Variants in SLC25A22 observed in about 807,000 individuals in gnomAD.
SLC25A22 encodes solute carrier family 25 member 22.
Under a neutral mutation model 33.7 loss-of-function variants are expected in SLC25A22, and 23 were observed. The ratio of observed to expected loss-of-function variants is 0.68; its 90% confidence interval spans 0.49 to 0.97. SLC25A22 has a LOEUF of 0.97. SLC25A22 is among the 50% of genes least tolerant of loss of function. SLC25A22 has a pLI of 0.00. For synonymous variants in SLC25A22, 245 were observed against 203.8 expected, an observed-to-expected ratio of 1.20 and a Z score of -1.72; for missense variants, 390 against 451.1, an observed-to-expected ratio of 0.86 and a Z score of 1.23.
intron 1 of SLC25A22, chr11:795,382 C>T (rs1224443084): frequency 2.6e-5 from 10 of 379,876 alleles, no homozygotes; most frequent in African/African-American, 6.9e-5. Flanking sequence ...CCCTCCCCAC[C>T]GCCAGCGTCT....
At chr11:795,641 C>T (rs1864787244) in intron 1 of SLC25A22, 1 of 198,104 alleles carries the variant, frequency 5.0e-6, no homozygotes, top group Non-Finnish European at 1.1e-5. Flanking sequence ...ACCCCCCGAC[C>T]TGGGCTCAGC....
intron 3 of SLC25A22, 64 bp downstream of exon 3, chr11:794,712 G>C: frequency 6.4e-7 from 1 of 1,567,468 alleles, no homozygotes; most frequent in Non-Finnish European, 8.6e-7. Flanking sequence ...CACAGGAGCA[G>C]AGCCCCCACC....
At chr11:792,764 G>GA (rs2133702398) in intron 6 of SLC25A22, 37 bp from the exon 7 acceptor site, 6 of 1,545,610 alleles carry the variant, frequency 3.9e-6, no homozygotes, top group Admixed American at 1.9e-5. Flanking sequence ...TCTTCTGTGC[G>GA]AACTGGGCAG....
At chr11:794,154 C>A in intron 4 of SLC25A22, 1 of 666,890 alleles carries the variant, frequency 1.5e-6, no homozygotes. Flanking sequence ...CAGCCACAAA[C>A]GGGGTCCAGC....
At chr11:794,955 G>A in intron 2 of SLC25A22, 32 bp downstream of exon 2, 1 of 1,562,366 alleles carries the variant, frequency 6.4e-7, no homozygotes, top group Non-Finnish European at 8.7e-7. Context: ...TCAGGGTGGG[G>A]GTGAGGCACG....
chr11:795,105 A>AG lies in SLC25A22; in HGVS notation c.-100dup, dbSNP rs1273292780. ...GAGGCCTTGAGGGAGGGTGGGACCC[A>AG]GGGGGGTTGGGTGGTGCTCCACCTT... On this transcript the variant is annotated 5_prime_UTR_variant, in exon 2 of 10. Transcript: ENST00000628067. 3 of 788,648 alleles carry AG rather than the reference A, an allele frequency of 3.8e-6. No homozygotes were observed. Among genetic ancestry groups the AG allele is most frequent in the South Asian group, 1.4e-5 (1 of 69,786 alleles). 48.9% of individuals were successfully genotyped at this position (788,648 alleles called of 1,614,324 possible).
In SLC25A22 at chr11:792,882, C is replaced by T. The variant is rs1393635107; in HGVS notation, c.400G>A (p.Ala134Thr). ...MEMLKIQLQDAGRIAAQRKIL... is the reference protein window; with the variant it reads ...MEMLKIQLQDTGRIAAQRKIL... ...CCCCCGCCCTCACCAATGCGCCCTG[C>T]ATCCTGCAGCTGGATCTTCAGCATC... The change falls in exon 6 of 10, where the codon GCA becomes ACA. Residue 134 changes from alanine to threonine, a missense_variant. Physicochemically the swap from Ala to Thr is moderately conservative, Grantham distance 58 (BLOSUM62 0). Transcript: ENST00000628067. 1 of 1,472,694 alleles carries T rather than the reference C, an allele frequency of 6.8e-7. No homozygotes were observed. The highest frequency in any genetic ancestry group is 1.4e-5 in the African/African-American group (1 of 70,946). The allele number at this position is 1,472,694 out of a possible 1,614,324, so 91.2% of individuals were successfully genotyped here.
At chr11:794,625 C>A in intron 3 of SLC25A22, 112 bp from the exon 4 acceptor site, 2 of 1,527,510 alleles carry the variant, frequency 1.3e-6, no homozygotes, top group Non-Finnish European at 1.8e-6. Flanking sequence ...CCAGCCCCGA[C>A]CCCAGTCCTG....
In SLC25A22 at chr11:792,585, A is replaced by G; in HGVS notation, c.555T>C (p.Gly185=). Residue 185 remains glycine (G), a synonymous_variant, in exon 7 of 10, where the codon GGT becomes GGC. Transcript: ENST00000628067. ...RDLLRSRGIA[G]LYKGLGATLL... is the part of the protein sequence containing the mutation. Reference sequence around the variant, plus strand: ...GCGTGGCCCCGAGTCCCTTGTAGAGACCGGCAATGCCACGGCTCCGCAGCA... The same window carrying G: ...GCGTGGCCCCGAGTCCCTTGTAGAGGCCGGCAATGCCACGGCTCCGCAGCA... The G allele has an allele frequency of 6.2e-7, 1 of 1,611,466 alleles. No individual in the cohort carries two copies. The highest frequency in any genetic ancestry group is 8.5e-7 in the Non-Finnish European group (1 of 1,179,548).
In SLC25A22 at chr11:792,739, G is replaced by A. The variant is rs587781169; in HGVS notation, c.413-12C>T. 8.3e-5 allele frequency: 128 copies of A among 1,545,032 alleles called. No individual in the cohort carries two copies. Among genetic ancestry groups the A allele is most frequent in the Non-Finnish European group, 8.4e-5 (97 of 1,149,870 alleles). On this transcript the variant is annotated splice_polypyrimidine_tract_variant and intron_variant, in intron 6 of 9. Transcript: ENST00000628067. ...CTTCCTCTGGGCGGCTGGGGACAAA[G>A]AGGCTGCTGTCTCCTCTTCTGTGCG... is the stretch of plus-strand genomic sequence containing the variant.
At chr11:796,435 G>C (rs1216341906) in intron 1 of SLC25A22, 1 of 152,362 alleles carries the variant, frequency 6.6e-6, no homozygotes, top group Admixed American at 6.5e-5. Context: ...GCCACCCACC[G>C]ACAGGGACCT....
rs944409908 is a variant in SLC25A22 at position 790,483 on chromosome 11, G to T, written c.*1432C>A. Reference sequence around the variant, plus strand: ...CCAGACAGACAGCAGCATCTACTTAGAATATTTATTTATTCTCTGACATGA... The same window carrying T: ...CCAGACAGACAGCAGCATCTACTTATAATATTTATTTATTCTCTGACATGA... On this transcript the variant is annotated 3_prime_UTR_variant, in exon 10 of 10. Transcript: ENST00000628067. 1.3e-5 allele frequency: 2 copies of T among 151,838 alleles called. No homozygotes were observed. The highest frequency in any genetic ancestry group is 4.9e-5 in the African/African-American group (2 of 41,228). The allele number at this position is 151,838 out of a possible 1,614,324, so 9.4% of individuals were successfully genotyped here. A position where few individuals can be genotyped will look rare whatever the true frequency, so the allele number is the denominator to read the frequency against.
chr11:792,284 G>A lies in SLC25A22; in HGVS notation c.742+20C>T. 6.2e-7 allele frequency: 1 copy of A among 1,613,096 alleles called. No individual in the cohort carries two copies. Among genetic ancestry groups the A allele is most frequent in the Non-Finnish European group, 8.5e-7 (1 of 1,179,938 alleles). On this transcript the variant is annotated intron_variant, in intron 8 of 9. Transcript: ENST00000628067. ...TCAGTCCCGCCCCATCCCCAGCCGG[G>A]CGCCATCCCATGCACTGACCATCAC...
chr11:797,758 G>A, intron 1 of SLC25A22: 2 of 398,640 alleles, frequency 5.0e-6, no homozygotes, highest in East Asian at 3.6e-5. Context: ...GCGATGCCTC[G>A]GCCAGAGGAC....
rs1432920081 is a variant in SLC25A22 at position 794,651 on chromosome 11, C to T, written c.146+125G>A. 7 of 1,525,672 alleles carry T rather than the reference C, an allele frequency of 4.6e-6. No homozygotes were observed. The East Asian group carries it at 1.7e-4, about 37-fold the overall frequency. The allele number at this position is 1,525,672 out of a possible 1,614,324, so 94.5% of individuals were successfully genotyped here. On this transcript the variant is annotated intron_variant, in intron 3 of 9. Coordinates refer to ENST00000628067, the MANE Select transcript of SLC25A22 (RefSeq NM_001191061.2). The stretch of plus-strand genomic sequence containing the variant: ...CCCAGTCCTGACCCACGTGGGATCT[C>T]CCCTAGGCCCGCCTGCCTCCCGTTT...
chr11:795,414 GCT>G (rs1864767770), intron 1 of SLC25A22: 3 of 325,592 alleles, frequency 9.2e-6, no homozygotes, highest in African/African-American at 9.1e-5. Flanking sequence ...CTCACACGCC[GCT>G]CACGCTCGGG....
Position 791,633 on chromosome 11 carries a change from G to A in SLC25A22, c.*282C>T, listed in dbSNP as rs1864520564. 1 of 507,262 alleles carries A rather than the reference G, an allele frequency of 2.0e-6. No individual in the cohort carries two copies. Among genetic ancestry groups the A allele is most frequent in the South Asian group, 2.1e-5 (1 of 47,002 alleles). The allele number at this position is 507,262 out of a possible 1,614,324, so 31.4% of individuals were successfully genotyped here. A position where few individuals can be genotyped will look rare whatever the true frequency, so the allele number is the denominator to read the frequency against. On this transcript the variant is annotated 3_prime_UTR_variant, in exon 10 of 10. Coordinates refer to ENST00000628067, the MANE Select transcript of SLC25A22 (RefSeq NM_001191061.2). ...AGCCCAGAGACCAGCTCTGTCCCTG[G>A]GGGTGTTCAGGCCAGGGCAGGATTG...
At position 792,726 on chromosome 11, in the gene SLC25A22, G is replaced by A. The variant is rs199887745; in HGVS notation, c.414C>T (p.Ala138=). The A allele has an allele frequency of 1.8e-4, 281 of 1,546,216 alleles. No homozygotes were observed. Among genetic ancestry groups the A allele is most frequent in the Middle Eastern group, 3.3e-4 (2 of 6,024 alleles). ...GGGCAGCCAGGATCTTCCTCTGGGC[G>A]GCTGGGGACAAAGAGGCTGCTGTCT... ...KIQLQDAGRI[A]AQRKILAAQG... is the part of the protein sequence containing the mutation. Residue 138 remains alanine, a splice_region_variant and synonymous_variant, in exon 7 of 10, where the codon GCC becomes GCT. Coordinates refer to ENST00000628067, the MANE Select transcript of SLC25A22 (RefSeq NM_001191061.2).
At position 795,076 on chromosome 11, in the gene SLC25A22, G is replaced by T; in HGVS notation, c.-70C>A. On this transcript the variant is annotated 5_prime_UTR_variant, in exon 2 of 10. Transcript: ENST00000628067. ...GGCCAGGCGGGGTGGAGGTGGAGGT[G>T]GAGGAGGCCTTGAGGGAGGGTGGGA... 6.5e-7 allele frequency: 1 copy of T among 1,543,096 alleles called. No homozygotes were observed.
Sources: allele counts gnomAD v4.1 joint callset, GRCh38; gene constraint gnomAD v4.1.1; transcripts MANE v1.5; gene names NCBI Gene and HGNC (gene_info 2026-07-23, HGNC 2026-07-21).